The following NLRP13 variants were observed in gnomAD, a reference collection of about 807,000 sequenced individuals.
NLRP13 encodes the protein NACHT, LRR and PYD domains-containing protein 13.
NLRP13 carries 82 observed loss-of-function variants against 94.4 expected under a neutral mutation model. That is an observed-to-expected ratio of 0.87 (90% CI 0.73 to 1.04). The LOEUF (loss-of-function observed/expected upper bound fraction) is 1.04, where lower values mean the gene tolerates loss of function less well. NLRP13 is among the 50% of genes least tolerant of loss of function. NLRP13 has a pLI of 0.00. For missense variants in NLRP13, 1,426 were observed against 1,230.8 expected, an observed-to-expected ratio of 1.16 and a Z score of -2.37; for synonymous variants, 553 against 464.7, an observed-to-expected ratio of 1.19 and a Z score of -2.45.
chr19:55,906,286 C>T (rs926585239), intron 7 of NLRP13, among the ~76,000 whole-genome samples: 8 of 134,450 alleles, frequency 6.0e-5, no homozygotes, highest in Admixed American at 4.9e-4. Context: ...TACAGTGAGC[C>T]GAGATCGTGC....
In NLRP13 at chr19:55,904,902, CAT is replaced by C. The variant is rs776089079; in HGVS notation, c.2618+38_2618+39del. The C allele has an allele frequency of 1.7e-4, 258 of 1,553,496 alleles. 1 individual carries two copies. In the African/African-American group the frequency reaches 2.8e-3, roughly 17 times the overall value. The stretch of plus-strand genomic sequence containing the variant: ...AACCATTGTTCTAGATATCTGTGCC[CAT>C]AGAGTCATATCTAGAAATGGAAGTA... On this transcript the variant is annotated intron_variant, in intron 8 of 10. Coordinates refer to ENST00000342929, the MANE Select transcript of NLRP13 (RefSeq NM_176810.2).
At position 55,910,546 on chromosome 19, in the gene NLRP13, T is replaced by C; in HGVS notation, c.2282+17A>G. On this transcript the variant is annotated intron_variant, in intron 6 of 10. Coordinates refer to ENST00000342929, the MANE Select transcript of NLRP13 (RefSeq NM_176810.2). ...CTCCTAGGGTATCTTCTTGAGCTGC[T>C]GGCGTCTCACACTTACGTCAGTTTC... is the stretch of plus-strand genomic sequence containing the variant. 2 of 1,570,992 alleles carry C rather than the reference T, an allele frequency of 1.3e-6. No individual in the cohort carries two copies. Among genetic ancestry groups the C allele is most frequent in the Non-Finnish European group, 1.7e-6 (2 of 1,150,916 alleles).
At chr19:55,894,453 A>G (rs1985944574), downstream of NLRP13, among the ~76,000 whole-genome samples, 1 of 152,162 alleles carries the variant, frequency 6.6e-6, no homozygotes, top group African/African-American at 2.4e-5. Context: ...GTGCAACCTC[A>G]GGGCCTTTGC....
In NLRP13 at chr19:55,909,196, G is replaced by A. The variant is rs527327037; in HGVS notation, c.2283-1240C>T. Among the ~76,000 whole-genome samples the A allele has an allele frequency of 5.9e-5, 9 of 152,034 alleles. No homozygotes were observed. The South Asian group carries it at 8.3e-4, about 14-fold the overall frequency. On this transcript the variant is annotated intron_variant, in intron 6 of 10. Coordinates refer to ENST00000342929, the MANE Select transcript of NLRP13 (RefSeq NM_176810.2). ...ACTCTCTCCTCTATAGTTCCCCCCC[G>A]GCTTAATTGTTATACAAGGTCCACC...
At position 55,902,177 on chromosome 19, in the gene NLRP13, C is replaced by G; in HGVS notation, c.2647G>C (p.Ala883Pro). The G allele has an allele frequency of 6.2e-7, 1 of 1,613,956 alleles. No individual in the cohort carries two copies. Among genetic ancestry groups the G allele is most frequent in the Non-Finnish European group, 8.5e-7 (1 of 1,179,952 alleles). The change falls in exon 9 of 11, where the codon GCT (alanine) becomes CCT (proline). Residue 883 changes from alanine to proline, a missense_variant. Physicochemically the swap from Ala to Pro is conservative, Grantham distance 27 (BLOSUM62 -1). Coordinates refer to ENST00000342929, the MANE Select transcript of NLRP13 (RefSeq NM_176810.2). ...ELWFCQLAAP[A>P]CKHLSDALLQ... Reference sequence around the variant, plus strand: ...AGAGCATCTGACAAGTGCTTGCAAGCGGGTGCTGCCAGCTGGCAAAACCAG... The same window carrying G: ...AGAGCATCTGACAAGTGCTTGCAAGGGGGTGCTGCCAGCTGGCAAAACCAG...
At chr19:55,931,744 A>AAGAAAG (rs1600283705) in intron 1 of NLRP13, among the ~76,000 whole-genome samples, 3 of 149,008 alleles carry the variant, frequency 2.0e-5, no homozygotes, top group Non-Finnish European at 3.0e-5. Flanking sequence ...GAAAGAAAGA[A>AAGAAAG]AAAGGCTTAT....
Position 55,912,222 on chromosome 19 carries a change from G to T in NLRP13, c.1595C>A (p.Thr532Asn). ...LQKINDCGGCTTFTHLSFQEF... is the reference protein window; with the variant it reads ...LQKINDCGGCNTFTHLSFQEF... ...CTGGAAACTTAGGTGGGTGAAAGTA[G>T]TGCAACCCCCACAGTCATTGATCTT... The change falls in exon 5 of 11, where the codon ACT becomes AAT. Residue 532 changes from threonine (T) to asparagine (N), a missense_variant. Thr to Asn is a moderately conservative substitution (Grantham distance 65). Transcript: ENST00000342929. The T allele has an allele frequency of 6.2e-7, 1 of 1,614,164 alleles. No homozygotes were observed. The highest frequency in any genetic ancestry group is 8.5e-7 in the Non-Finnish European group (1 of 1,180,006).
intron 7 of NLRP13, 143 bp from the exon 8 acceptor site, chr19:55,905,255 A>G: frequency 2.2e-6 from 2 of 921,992 alleles, no homozygotes; most frequent in Non-Finnish European, 3.1e-6. Flanking sequence ...AAGAAGGAGA[A>G]AAAGGGCCAG....
chr19:55,910,512 T>C (rs1986475445), intron 6 of NLRP13, 51 bp downstream of exon 6: 3 of 1,473,066 alleles, frequency 2.0e-6, no homozygotes, highest in Non-Finnish European at 9.1e-7. Context: ...AGAGAGAAGT[T>C]GGGAGATTCT....
intron 4 of NLRP13, among the ~76,000 whole-genome samples, chr19:55,914,849 T>C (rs1283529420): frequency 6.6e-6 from 1 of 152,256 alleles, no homozygotes; most frequent in African/African-American, 2.4e-5. Context: ...GTTGATTTCA[T>C]ATCTTGGCTA....
At chr19:55,915,745 GC>G (rs35547660) in intron 4 of NLRP13, among the ~76,000 whole-genome samples, 16,020 of 152,104 alleles carry the variant, frequency 0.11, 944 homozygotes, top group East Asian at 0.27. Context: ...GCTAGGATAG[GC>G]TTGCCTTGTC....
chr19:55,891,822 T>C, downstream of NLRP13: 1 of 362,122 alleles, frequency 2.8e-6, no homozygotes, highest in East Asian at 4.0e-5. Flanking sequence ...AGTATTACAC[T>C]AGGATTCCAG....
In NLRP13 at chr19:55,905,060, G is replaced by T. The variant is rs142761258; in HGVS notation, c.2500C>A (p.Leu834Ile). 96 of 1,613,708 alleles carry T rather than the reference G, an allele frequency of 5.9e-5. No individual in the cohort carries two copies. Among genetic ancestry groups the T allele is most frequent in the Non-Finnish European group, 7.8e-5 (92 of 1,179,982 alleles). The change falls in exon 8 of 11, where the codon CTC becomes ATC. Residue 834 changes from leucine (L) to isoleucine (I), a missense_variant. Physicochemically the swap from Leu to Ile is conservative, Grantham distance 5 (BLOSUM62 2). Transcript: ENST00000342929. The stretch of plus-strand genomic sequence containing the variant: ...CGAGTTACGTGTTGGATGCTGGTGA[G>T]AAACAAGGCTAGGTCCTGACAGCTG... ...AASCQDLALF[L>I]TSIQHVTRLC...
chr19:55,929,053 A>G (rs1275789532), intron 1 of NLRP13, among the ~76,000 whole-genome samples: 1 of 152,246 alleles, frequency 6.6e-6, no homozygotes, highest in African/African-American at 2.4e-5. Flanking sequence ...GTTATTAGAG[A>G]AATGCAAATC....
In NLRP13 at chr19:55,906,348, A is replaced by AAAAAAAG. The variant is rs1375288396; in HGVS notation, c.2448-1243_2448-1237dup. 1.3e-5 allele frequency among the ~76,000 whole-genome samples: 2 copies of AAAAAAAG among 150,654 alleles called. 1 individual carries two copies. The highest frequency in any genetic ancestry group is 3.9e-4 in the East Asian group (2 of 5,144). On this transcript the variant is annotated intron_variant, in intron 7 of 10. Transcript: ENST00000342929. ...GTGAGACTCCATCTCAAAAAAAAAA[A>AAAAAAAG]AAAAAAGACAGATGATAGACAGACA... is the stretch of plus-strand genomic sequence containing the variant.
chr19:55,898,097 G>A (rs981448310), intron 10 of NLRP13, among the ~76,000 whole-genome samples: 1 of 152,130 alleles, frequency 6.6e-6, no homozygotes. Flanking sequence ...GGGCAGATTG[G>A]GAGAGACAAT....
chr19:55,896,820 C>CAAAAAAA (rs3073244), intron 10 of NLRP13, among the ~76,000 whole-genome samples: 6 of 80,894 alleles, frequency 7.4e-5, no homozygotes, highest in Admixed American at 1.4e-4. Context: ...CTCCATCTCA[C>CAAAAAAA]AAAAAAAAAA....
In NLRP13 at chr19:55,911,762, A is replaced by G. The variant is rs1986518639; in HGVS notation, c.2055T>C (p.Asn685=). Residue 685 remains asparagine, a synonymous_variant, in exon 5 of 11, where the codon AAT becomes AAC. Transcript: ENST00000342929. The part of the protein sequence containing the change: ...SFCLKHCKRL[N]KLRLSVSSHI... The stretch of plus-strand genomic sequence containing the variant: ...GACTGCTAACAGAAAGCCTTAGCTT[A>G]TTTAACCTTTTACAGTGCTTTAGGC... 1.2e-6 allele frequency: 2 copies of G among 1,613,674 alleles called. No homozygotes were observed. Among genetic ancestry groups the G allele is most frequent in the African/African-American group, 1.3e-5 (1 of 74,918 alleles).
At chr19:55,900,542 C>A (rs908939589) in intron 9 of NLRP13, among the ~76,000 whole-genome samples, 1 of 151,546 alleles carries the variant, frequency 6.6e-6, no homozygotes, top group Non-Finnish European at 1.5e-5. Flanking sequence ...GAGGCCAAGG[C>A]GGGTGGATCA....
Sources: gnomAD v4.1 joint callset for allele counts (sites outside exome capture counted in the v4.1 genomes callset) on GRCh38, gnomAD v4.1.1 for gene constraint, MANE v1.5 for transcripts, NCBI Gene and HGNC (gene_info 2026-07-23, HGNC 2026-07-21) for gene names.